Variants in PTBP3 observed in about 807,000 individuals in gnomAD.
PTBP3 encodes the protein polypyrimidine tract-binding protein 3.
PTBP3 carries 20 observed loss-of-function variants against 58.7 expected under a neutral mutation model. The ratio of observed to expected loss-of-function variants is 0.34; its 90% CI spans 0.24 to 0.50. The LOEUF (loss-of-function observed/expected upper bound fraction) is 0.50. Among genes scored for constraint, PTBP3 ranks in the 20% least tolerant of loss-of-function variants. The pLI is 0.98. For missense variants in PTBP3, 509 were observed against 637.2 expected (o/e 0.80, Z 2.17); for synonymous variants, 185 against 219.8 (o/e 0.84, Z 1.40).
At chr9:112,236,859 T>C (rs1243736327) in intron 7 of PTBP3, among the ~76,000 whole-genome samples, 1 of 152,048 alleles carries the variant, frequency 6.6e-6, no homozygotes, top group Non-Finnish European at 1.5e-5. Flanking sequence ...AAGGAGTGGA[T>C]CTTTAGCGTG....
chr9:112,296,645 C>T (rs1378730335), intron 2 of PTBP3, among the ~76,000 whole-genome samples: 1 of 152,160 alleles, frequency 6.6e-6, no homozygotes, highest in African/African-American at 2.4e-5. Context: ...TATCAAATTT[C>T]TTTCATGATG....
At chr9:112,274,089 T>A (rs775507421) in intron 3 of PTBP3, among the ~76,000 whole-genome samples, 2 of 152,118 alleles carry the variant, frequency 1.3e-5, no homozygotes, top group Non-Finnish European at 2.9e-5. Flanking sequence ...AAAATAACGA[T>A]CTAACTGGCA....
In PTBP3 at chr9:112,220,949, A is replaced by ATGCC; in HGVS notation, c.*2898_*2901dup. The ATGCC allele has an allele frequency of 2.1e-6, 2 of 963,212 alleles. No individual in the cohort carries two copies. Among genetic ancestry groups the ATGCC allele is most frequent in the Non-Finnish European group, 2.5e-6 (2 of 809,736 alleles). The allele number at this position is 963,212 out of a possible 1,614,324, so 59.7% of individuals were successfully genotyped here. ...TTGCTAGAAGATACTGAATAAATGC[A>ATGCC]TGCCAAAACAGAGATACACAGATCT... is the stretch of plus-strand genomic sequence containing the variant. On this transcript the variant is annotated 3_prime_UTR_variant, in exon 14 of 14. Transcript: ENST00000374257.
At chr9:112,255,537 T>C (rs761821114) in intron 5 of PTBP3, among the ~76,000 whole-genome samples, 1 of 152,116 alleles carries the variant, frequency 6.6e-6, no homozygotes, top group Middle Eastern at 3.2e-3. Flanking sequence ...CCCTTCTTCA[T>C]TACTACAGCC....
At position 112,218,637 on chromosome 9, in the gene PTBP3, T is replaced by C. The variant is rs541618914; in HGVS notation, c.*5214A>G. 2.0e-5 allele frequency: 3 copies of C among 152,654 alleles called. No homozygotes were observed. Among genetic ancestry groups the C allele is most frequent in the Non-Finnish European group, 2.9e-5 (2 of 68,034 alleles). The allele number at this position is 152,654 out of a possible 1,614,324, so 9.5% of individuals were successfully genotyped here. ...ATATGTTTTTTAATATTTTATCTTC[T>C]CTTTGCATTTATAACATAATTCACT... On this transcript the variant is annotated 3_prime_UTR_variant, in exon 14 of 14. Coordinates refer to ENST00000374257, the MANE Select transcript of PTBP3 (RefSeq NM_001163788.4).
chr9:112,228,836 A>G (rs1009897686), intron 10 of PTBP3, among the ~76,000 whole-genome samples: 1 of 152,126 alleles, frequency 6.6e-6, no homozygotes, highest in Admixed American at 6.6e-5. Context: ...CACCCACCCA[A>G]TCAATCACCA....
Position 112,325,372 on chromosome 9 carries a change from G to A in PTBP3, c.-52+8098C>T, listed in dbSNP as rs535579257. ...GAGCCACCAGGAATTCACGCCTTAG[G>A]CTAGGGAGTGTGGTGGCCTGGTATT... On this transcript the variant is annotated intron_variant, in intron 1 of 13. Coordinates refer to ENST00000374257, the MANE Select transcript of PTBP3 (RefSeq NM_001163788.4). 3.3e-5 allele frequency among the ~76,000 whole-genome samples: 5 copies of A among 152,238 alleles called. No homozygotes were observed. In the South Asian group the frequency reaches 1.0e-3, roughly 32 times the overall value.
At chr9:112,247,779 G>A (rs1359817251) in intron 7 of PTBP3, among the ~76,000 whole-genome samples, 1 of 152,112 alleles carries the variant, frequency 6.6e-6, no homozygotes, top group Admixed American at 6.5e-5. Flanking sequence ...TAATTAAACT[G>A]TATTTAGTAA....
At chr9:112,302,396 T>C (rs1828974624) in intron 1 of PTBP3, among the ~76,000 whole-genome samples, 2 of 42,898 alleles carry the variant, frequency 4.7e-5, no homozygotes, top group South Asian at 2.9e-3. Flanking sequence ...ACAAGTTACC[T>C]GCTGTGAGGA....
At chr9:112,318,592 G>A (rs1383053968) in intron 1 of PTBP3, among the ~76,000 whole-genome samples, 7 of 151,034 alleles carry the variant, frequency 4.6e-5, no homozygotes, top group Admixed American at 4.0e-4. Flanking sequence ...AAACCCCATC[G>A]TGACTAAAAA....
At chr9:112,366,677 C>A in the PTBP3 span, among the ~76,000 whole-genome samples, 1 of 152,152 alleles carries the variant, frequency 6.6e-6, no homozygotes, top group Admixed American at 6.5e-5. Flanking sequence ...CAGGGGTGGG[C>A]CCTCATGGAG....
chr9:112,285,889 A>G (rs1828093320), intron 2 of PTBP3, among the ~76,000 whole-genome samples: 1 of 152,208 alleles, frequency 6.6e-6, no homozygotes, highest in African/African-American at 2.4e-5. Flanking sequence ...TATACCATCA[A>G]TGACTGACAG....
chr9:112,335,439 C>G (rs879818737), upstream of PTBP3, among the ~76,000 whole-genome samples: 2 of 151,704 alleles, frequency 1.3e-5, no homozygotes, highest in Non-Finnish European at 2.9e-5. Context: ...GCGCCCGCCA[C>G]CACGCCTGGC....
At chr9:112,377,499 T>C in the PTBP3 span, among the ~76,000 whole-genome samples, 2 of 152,216 alleles carry the variant, frequency 1.3e-5, no homozygotes, top group African/African-American at 2.4e-5. Context: ...TAGTTCCCAT[T>C]GTCAAGCTTA....
At chr9:112,349,619 G>T in the PTBP3 span, among the ~76,000 whole-genome samples, 2 of 152,118 alleles carry the variant, frequency 1.3e-5, no homozygotes, top group South Asian at 4.2e-4. Context: ...AGCACTTTGG[G>T]TGGCTGAGGC....
At chr9:112,346,393 C>A in the PTBP3 span, among the ~76,000 whole-genome samples, 77 of 152,250 alleles carry the variant, frequency 5.1e-4, no homozygotes, top group African/African-American at 1.8e-3. Flanking sequence ...TCTCGAACTC[C>A]TGACCTCAGG....
chr9:112,315,067 G>T (rs1829648785), intron 1 of PTBP3, among the ~76,000 whole-genome samples: 1 of 151,874 alleles, frequency 6.6e-6, no homozygotes, highest in Non-Finnish European at 1.5e-5. Flanking sequence ...TCCTGACCTC[G>T]TGATCCGCCC....
intron 7 of PTBP3, chr9:112,242,942 A>G (rs1835717977): frequency 6.6e-6 from 1 of 152,224 alleles, no homozygotes; most frequent in Non-Finnish European, 1.5e-5. Flanking sequence ...CCACTTATAC[A>G]AAACCGACTT....
chr9:112,344,835 A>G, the PTBP3 span, among the ~76,000 whole-genome samples: 1 of 152,196 alleles, frequency 6.6e-6, no homozygotes, highest in African/African-American at 2.4e-5. Flanking sequence ...ATTAGATAAT[A>G]TTATTTAAAA....
Sources: allele counts gnomAD v4.1 joint callset (sites outside exome capture counted in the v4.1 genomes callset), GRCh38; gene constraint gnomAD v4.1.1; transcripts MANE v1.5; gene names NCBI Gene and HGNC (gene_info 2026-07-23, HGNC 2026-07-21).